DLG2: variants seen among roughly 807,000 people sequenced by gnomAD.
DLG2 encodes discs large MAGUK scaffold protein 2, also known as disks large homolog 2.
In DLG2, 45 loss-of-function variants were observed where a neutral mutation model predicts 132.5. That is an observed-to-expected ratio of 0.34 (90% confidence interval 0.27 to 0.44). The LOEUF is 0.44. DLG2 is among the 20% of genes least tolerant of loss of function. DLG2 has a pLI of 1.00. For missense variants in DLG2, 1,045 were observed against 1,196.9 expected (o/e 0.87, Z 1.87); for synonymous variants, 424 against 419.6 (o/e 1.01, Z -0.13).
At chr11:84,676,207 G>A (rs1389020786) in intron 6 of DLG2, among the ~76,000 whole-genome samples, 1 of 152,064 alleles carries the variant, frequency 6.6e-6, no homozygotes, top group Non-Finnish European at 1.5e-5. Context: ...ATAATTTGAT[G>A]ATGGGTTGGC....
chr11:84,640,966 A>AG (rs1565531428), intron 6 of DLG2, among the ~76,000 whole-genome samples: 11 of 85,854 alleles, frequency 1.3e-4, no homozygotes, highest in Non-Finnish European at 2.6e-4. Context: ...AAAAAAAAAC[A>AG]AAAAAAAAAC....
intron 8 of DLG2, among the ~76,000 whole-genome samples, chr11:84,200,927 A>G (rs2096583807): frequency 6.6e-6 from 1 of 152,132 alleles, no homozygotes; most frequent in African/African-American, 2.4e-5. Flanking sequence ...TTCTACTTGA[A>G]TACCTTTTAT....
intron 3 of DLG2, among the ~76,000 whole-genome samples, chr11:85,430,552 A>G (rs993278732): frequency 2.6e-5 from 4 of 152,170 alleles, no homozygotes; most frequent in African/African-American, 9.7e-5. Flanking sequence ...AAATGGAGAT[A>G]TTAATGATAT....
chr11:83,557,283 G>C (rs915072544), intron 19 of DLG2, among the ~76,000 whole-genome samples: 1 of 152,178 alleles, frequency 6.6e-6, no homozygotes, highest in African/African-American at 2.4e-5. Context: ...TGTACAATCT[G>C]TAGAGAAAAA....
intron 3 of DLG2, among the ~76,000 whole-genome samples, chr11:85,334,703 G>T (rs1371794818): frequency 6.6e-6 from 1 of 152,092 alleles, no homozygotes; most frequent in Admixed American, 6.5e-5. Context: ...TTCTGGAGCA[G>T]ATTACTTAAT....
chr11:84,397,483 G>A (rs896863886), intron 7 of DLG2, among the ~76,000 whole-genome samples: 2 of 152,212 alleles, frequency 1.3e-5, no homozygotes, highest in African/African-American at 2.4e-5. Context: ...TGGAATGCCA[G>A]TAGAGATGAC....
At chr11:84,554,454 TAAAG>T (rs2099407874) in intron 6 of DLG2, among the ~76,000 whole-genome samples, 1 of 151,980 alleles carries the variant, frequency 6.6e-6, no homozygotes, top group African/African-American at 2.4e-5. Flanking sequence ...AATTTAAAAA[TAAAG>T]AAAATGGGCC....
chr11:85,151,067 G>A (rs1420129096), intron 5 of DLG2, among the ~76,000 whole-genome samples: 3 of 151,954 alleles, frequency 2.0e-5, no homozygotes, highest in African/African-American at 7.3e-5. Context: ...CATCCTAATG[G>A]GTGTGAAATG....
chr11:85,489,758 G>C (rs2093514636), intron 3 of DLG2, among the ~76,000 whole-genome samples: 1 of 152,030 alleles, frequency 6.6e-6, no homozygotes. Context: ...TCAACACCAA[G>C]AGAAACTTCA....
rs1034065719 is a variant in DLG2, at chr11:83,634,201, A to C, written c.1826-876T>G. 2.0e-5 allele frequency among the ~76,000 whole-genome samples: 3 copies of C among 152,114 alleles called. No individual in the cohort carries two copies. In the East Asian group the frequency reaches 5.8e-4, roughly 29 times the overall value. The stretch of plus-strand genomic sequence containing the variant: ...CTTTGCCCACATGCCAAATTTTAGA[A>C]ATTTTCAAACATTAAAAGTTATGGG... On this transcript the variant is annotated intron_variant, in intron 18 of 27. Coordinates refer to ENST00000376104, the MANE Select transcript of DLG2 (RefSeq NM_001142699.3).
At chr11:85,494,904 A>C (rs940031332) in intron 3 of DLG2, among the ~76,000 whole-genome samples, 6 of 149,288 alleles carry the variant, frequency 4.0e-5, no homozygotes, top group African/African-American at 1.5e-4. Context: ...TAAAAAAAAC[A>C]GTGAAAAACA....
At chr11:83,509,260 T>C (rs2094888399) in intron 21 of DLG2, among the ~76,000 whole-genome samples, 1 of 152,336 alleles carries the variant, frequency 6.6e-6, no homozygotes. Context: ...ACTAGTTATT[T>C]AACTTTTTTA....
intron 6 of DLG2, among the ~76,000 whole-genome samples, chr11:84,717,082 A>G (rs1230439090): frequency 6.6e-6 from 1 of 152,044 alleles, no homozygotes; most frequent in Admixed American, 6.6e-5. Context: ...GAAAGCTCAA[A>G]TTACTCAGCA....
At chr11:84,797,177 T>G (rs1313297329) in intron 6 of DLG2, among the ~76,000 whole-genome samples, 1 of 152,060 alleles carries the variant, frequency 6.6e-6, no homozygotes, top group Non-Finnish European at 1.5e-5. Flanking sequence ...TGACTTTTGG[T>G]AGTTTAATTT....
At chr11:85,226,436 C>A in intron 4 of DLG2, among the ~76,000 whole-genome samples, 1 of 152,058 alleles carries the variant, frequency 6.6e-6, no homozygotes, top group East Asian at 1.9e-4. Context: ...GGACAAAACA[C>A]CAGCTACTCA....
intron 6 of DLG2, among the ~76,000 whole-genome samples, chr11:84,673,197 TAGAC>T (rs754252263): frequency 6.6e-6 from 1 of 151,954 alleles, no homozygotes; most frequent in Non-Finnish European, 1.5e-5. Flanking sequence ...GCTAGGATAA[TAGAC>T]AGGGAGGAAG....
At chr11:85,598,020 TATAA>T (rs889735366) in intron 3 of DLG2, among the ~76,000 whole-genome samples, 1 of 151,696 alleles carries the variant, frequency 6.6e-6, no homozygotes, top group Non-Finnish European at 1.5e-5. Flanking sequence ...AAAAAAAATA[TATAA>T]ATAAACCATA....
At chr11:84,098,168 A>G (rs2097193114) in intron 10 of DLG2, among the ~76,000 whole-genome samples, 1 of 151,708 alleles carries the variant, frequency 6.6e-6, no homozygotes, top group African/African-American at 2.4e-5. Context: ...CCTCCAGAGT[A>G]GCTGGGATTA....
chr11:83,961,854 G>T (rs764161322), intron 14 of DLG2, among the ~76,000 whole-genome samples: 1 of 151,980 alleles, frequency 6.6e-6, no homozygotes, highest in Non-Finnish European at 1.5e-5. Context: ...ATAGGAAGAA[G>T]CTTGTATTTG....
Sources: gnomAD v4.1 joint callset for allele counts (sites outside exome capture counted in the v4.1 genomes callset) on GRCh38, gnomAD v4.1.1 for gene constraint, MANE v1.5 for transcripts, NCBI Gene and HGNC (gene_info 2026-07-23, HGNC 2026-07-21) for gene names.